ACOT13: variants seen among roughly 807,000 people sequenced by gnomAD.
ACOT13 encodes acyl-coenzyme A thioesterase 13.
Under a neutral mutation model 11.8 loss-of-function variants are expected in ACOT13, and 10 were observed. The observed-to-expected ratio is 0.85, with a 90% CI of 0.53 to 1.44. ACOT13 has a LOEUF of 1.44. Ranked by LOEUF, ACOT13 falls within the 40% of genes most tolerant of loss-of-function variation. ACOT13 has a pLI of 0.00. For synonymous variants in ACOT13, 53 were observed against 61.0 expected (o/e 0.87, Z 0.61); for missense variants, 172 against 174.1 (o/e 0.99, Z 0.07).
At chr6:24,695,925 G>T (rs1778788467) in intron 1 of ACOT13, among the ~76,000 whole-genome samples, 2 of 152,138 alleles carry the variant, frequency 1.3e-5, no homozygotes, top group Non-Finnish European at 2.9e-5. Flanking sequence ...GGGTGTGGTG[G>T]CATGTGCCTG....
intron 1 of ACOT13, among the ~76,000 whole-genome samples, chr6:24,672,379 G>A (rs937529112): frequency 1.1e-4 from 16 of 152,194 alleles, no homozygotes; most frequent in African/African-American, 3.6e-4. Context: ...GGTGGCTCAC[G>A]CCTATAATCC....
intron 1 of ACOT13, among the ~76,000 whole-genome samples, chr6:24,667,863 T>G (rs1393443644): frequency 6.6e-6 from 1 of 152,130 alleles, no homozygotes; most frequent in Admixed American, 6.5e-5. Context: ...GAAGACTGAG[T>G]GCTTTTCTGA....
chr6:24,704,749 A>T lies in ACOT13; in HGVS notation c.*3134A>T, dbSNP rs1230908019. ...TGTTCTTGTTGAAGTTACACACTCAATTGCCAGGTATTTTTCTTCTGAATT... is the reference window on the plus strand; with the variant it reads ...TGTTCTTGTTGAAGTTACACACTCATTTGCCAGGTATTTTTCTTCTGAATT... On this transcript the variant is annotated 3_prime_UTR_variant, in exon 3 of 3. Transcript: ENST00000230048. The T allele has an allele frequency of 2.6e-5, 4 of 152,170 alleles. No homozygotes were observed. The East Asian group carries it at 7.7e-4, about 29-fold the overall frequency. The allele number at this position is 152,170 out of a possible 1,614,324, so 9.4% of individuals were successfully genotyped here. A position where few individuals can be genotyped will look rare whatever the true frequency, so the allele number is the denominator to read the frequency against.
At chr6:24,669,376 C>G (rs760254784) in intron 1 of ACOT13, among the ~76,000 whole-genome samples, 1 of 152,164 alleles carries the variant, frequency 6.6e-6, no homozygotes, top group Non-Finnish European at 1.5e-5. Context: ...TTTTGAGTTT[C>G]TGATTTACCT....
intron 1 of ACOT13, among the ~76,000 whole-genome samples, chr6:24,686,044 G>GAA (rs200874922): frequency 1.4e-5 from 2 of 144,246 alleles, no homozygotes; most frequent in Admixed American, 1.4e-4. Flanking sequence ...TTAAAAAAAG[G>GAA]AAAAAAAAAA....
chr6:24,692,199 T>A (rs1355246292), intron 1 of ACOT13, among the ~76,000 whole-genome samples: 1 of 150,760 alleles, frequency 6.6e-6, no homozygotes, highest in Non-Finnish European at 1.5e-5. Context: ...CAGGAGGAGG[T>A]GGTGTCATGG....
Position 24,701,597 on chromosome 6 carries a change from A to AAAAC in ACOT13, c.407_410dup (p.His137GlnfsTer23). 6.2e-7 allele frequency: 1 copy of AAAAC among 1,611,956 alleles called. No homozygotes were observed. The highest frequency in any genetic ancestry group is 8.5e-7 in the Non-Finnish European group (1 of 1,178,696). ...AATTAATAGCACAAGGAAGACACAC[A>AAAAC]AAACACCTGGGAAACTGAGAGAACA... On this transcript the variant is annotated frameshift_variant, in exon 3 of 3. Transcript: ENST00000230048. LOFTEE classifies it high-confidence loss of function.
chr6:24,684,580 G>C (rs1778601480), intron 1 of ACOT13, among the ~76,000 whole-genome samples: 1 of 152,246 alleles, frequency 6.6e-6, no homozygotes, highest in African/African-American at 2.4e-5. Flanking sequence ...GAAGTGTCCA[G>C]ATTAGTGCTA....
intron 1 of ACOT13, among the ~76,000 whole-genome samples, chr6:24,691,116 A>G (rs1181816709): frequency 1.3e-5 from 2 of 152,216 alleles, no homozygotes; most frequent in Non-Finnish European, 2.9e-5. Context: ...GCCCAGTTGA[A>G]TGCCTTTTAC....
chr6:24,668,763 A>G (rs958267867), intron 1 of ACOT13, among the ~76,000 whole-genome samples: 4 of 152,264 alleles, frequency 2.6e-5, no homozygotes, highest in African/African-American at 7.2e-5. Context: ...GAAGTTACAT[A>G]GTTACACTCC....
At chr6:24,681,417 T>C (rs2127623787) in intron 1 of ACOT13, among the ~76,000 whole-genome samples, 1 of 152,378 alleles carries the variant, frequency 6.6e-6, no homozygotes, top group East Asian at 1.9e-4. Flanking sequence ...ATTGGAGTAT[T>C]ATAGAGTCAT....
rs1778268722 is a variant in ACOT13 at position 24,667,104 on chromosome 6, T to C, written c.-160T>C. On this transcript the variant is annotated 5_prime_UTR_variant, in exon 1 of 3. Coordinates refer to ENST00000230048, the MANE Select transcript of ACOT13 (RefSeq NM_018473.4). Reference sequence around the variant, plus strand: ...TGAGCAAATCGCGGACCACCGGGGCTGCCAGCTCGCCTGACTCCCGGCCTC... The same window carrying C: ...TGAGCAAATCGCGGACCACCGGGGCCGCCAGCTCGCCTGACTCCCGGCCTC... 4 of 862,924 alleles carry C rather than the reference T, an allele frequency of 4.6e-6. No homozygotes were observed. In the East Asian group the frequency reaches 1.1e-4, roughly 23 times the overall value. 53.5% of individuals were successfully genotyped at this position (862,924 alleles called of 1,614,324 possible). A position where few individuals can be genotyped will look rare whatever the true frequency, so the allele number is the denominator to read the frequency against.
At position 24,704,660 on chromosome 6, in the gene ACOT13, C is replaced by T. The variant is rs1343792022; in HGVS notation, c.*3045C>T. Reference sequence around the variant, plus strand: ...TTTGAAATTTAAGAATGGCCCTTTCCCATGAAGCAAGGCATAAGGCCAGGT... The same window carrying T: ...TTTGAAATTTAAGAATGGCCCTTTCTCATGAAGCAAGGCATAAGGCCAGGT... On this transcript the variant is annotated 3_prime_UTR_variant, in exon 3 of 3. Transcript: ENST00000230048. The T allele has an allele frequency of 6.6e-6, 1 of 152,192 alleles. No homozygotes were observed. Among genetic ancestry groups the T allele is most frequent in the African/African-American group, 2.4e-5 (1 of 41,446 alleles). 9.4% of individuals were successfully genotyped at this position (152,192 alleles called of 1,614,324 possible).
intron 1 of ACOT13, among the ~76,000 whole-genome samples, chr6:24,686,651 T>TCCCTCTCTTTCTC (rs1157486866): frequency 1.3e-5 from 2 of 151,522 alleles, no homozygotes; most frequent in Non-Finnish European, 2.9e-5. Flanking sequence ...CTCTCTTTCT[T>TCCCTCTCTTTCTC]CTCTCTCTTT....
intron 1 of ACOT13, among the ~76,000 whole-genome samples, chr6:24,695,116 C>A (rs1291444329): frequency 6.6e-6 from 1 of 152,036 alleles, no homozygotes; most frequent in Non-Finnish European, 1.5e-5. Context: ...CAAGACCAAC[C>A]TGGCTAACAT....
rs546744426 is a variant in ACOT13, at chr6:24,688,108, T to C, written c.82-9775T>C. On this transcript the variant is annotated intron_variant, in intron 1 of 2. Transcript: ENST00000230048. Reference sequence around the variant, plus strand: ...TGATATTCAAAATTGATCAACATGATACACAAATAGATATTTTCAAGTTCA... The same window carrying C: ...TGATATTCAAAATTGATCAACATGACACACAAATAGATATTTTCAAGTTCA... Among the ~76,000 whole-genome samples, 5 of 152,252 alleles carry C rather than the reference T, an allele frequency of 3.3e-5. No individual in the cohort carries two copies. The South Asian group carries it at 8.3e-4, about 25-fold the overall frequency.
intron 1 of ACOT13, among the ~76,000 whole-genome samples, chr6:24,674,388 A>C (rs1486986982): frequency 6.7e-6 from 1 of 148,258 alleles, no homozygotes; most frequent in African/African-American, 2.5e-5. Flanking sequence ...AAACTTGTTC[A>C]CCGTTTTTGG....
chr6:24,683,043 C>T (rs1476382544), intron 1 of ACOT13, among the ~76,000 whole-genome samples: 4 of 152,132 alleles, frequency 2.6e-5, no homozygotes. Flanking sequence ...GGTCACCTTC[C>T]CAGCTAGGCT....
intron 1 of ACOT13, among the ~76,000 whole-genome samples, chr6:24,682,663 T>TCTGCAGTGGC (rs1778572042): frequency 6.6e-6 from 1 of 151,210 alleles, no homozygotes; most frequent in South Asian, 2.1e-4. Flanking sequence ...GAGTCAGTGG[T>TCTGCAGTGGC]GGGTCTGCAG....
Sources: allele counts gnomAD v4.1 joint callset (sites outside exome capture counted in the v4.1 genomes callset), GRCh38; gene constraint gnomAD v4.1.1; transcripts MANE v1.5; gene names NCBI Gene and HGNC (gene_info 2026-07-23, HGNC 2026-07-21).